Variants in CNOT4 observed in about 807,000 individuals in gnomAD.
The protein encoded by CNOT4 is CCR4-associated factor 4.
In CNOT4, 8 loss-of-function variants were observed where a neutral mutation model predicts 73.8. The observed-to-expected ratio is 0.11, with a 90% CI of 0.06 to 0.20. The LOEUF is 0.20. Ranked by LOEUF, CNOT4 falls within the 10% of genes least tolerant of loss-of-function variation. CNOT4 has a pLI of 1.00. For synonymous variants in CNOT4, 293 were observed against 321.1 expected, an observed-to-expected ratio of 0.91 and a Z score of 0.94; for missense variants, 564 against 883.4, an observed-to-expected ratio of 0.64 and a Z score of 4.58.
At position 135,396,107 on chromosome 7, in the gene CNOT4, C is replaced by CTTTTT. The variant is rs71174519; in HGVS notation, c.880-229_880-225dup. Among the ~76,000 whole-genome samples the CTTTTT allele has an allele frequency of 4.6e-3, 435 of 95,414 alleles. 40 individuals carry two copies. Among genetic ancestry groups the CTTTTT allele is most frequent in the African/African-American group, 6.9e-3 (151 of 21,830 alleles). 62.6% of individuals were successfully genotyped at this position (95,414 alleles called of 152,430 possible). A position where few individuals can be genotyped will look rare whatever the true frequency, so the allele number is the denominator to read the frequency against. The stretch of plus-strand genomic sequence containing the variant: ...GCTTGAAAAGATTAAACTAGTCTCC[C>CTTTTT]TTTTTTTTTTTTTTTTTTTTTTTTT... On this transcript the variant is annotated intron_variant, in intron 8 of 11. Transcript: ENST00000541284.
At chr7:135,471,256 T>C (rs1408911101) in intron 1 of CNOT4, among the ~76,000 whole-genome samples, 1 of 151,624 alleles carries the variant, frequency 6.6e-6, no homozygotes, top group Non-Finnish European at 1.5e-5. Context: ...GAAACAGAGA[T>C]AAGAGATTCT....
At chr7:135,430,692 G>A (rs1798775370) in intron 2 of CNOT4, among the ~76,000 whole-genome samples, 1 of 151,880 alleles carries the variant, frequency 6.6e-6, no homozygotes, top group African/African-American at 2.4e-5. Context: ...CAGAATAAAA[G>A]GAGAAAAAAG....
chr7:135,367,893 G>C (rs1794999976), intron 10 of CNOT4, among the ~76,000 whole-genome samples: 2 of 152,142 alleles, frequency 1.3e-5, no homozygotes, highest in Non-Finnish European at 2.9e-5. Flanking sequence ...AAAGTAATTA[G>C]TAATAGTATA....
In CNOT4 at chr7:135,380,093, T is replaced by A. The variant is rs777355145; in HGVS notation, c.1627+13825A>T. Among the ~76,000 whole-genome samples the A allele has an allele frequency of 5.0e-4, 76 of 152,112 alleles. 1 individual carries two copies. Among genetic ancestry groups the A allele is most frequent in the Middle Eastern group, 6.8e-3 (2 of 294 alleles). ...CCTTGTGGAGCTCTCCCTGTTTCCT[T>A]ATGCTGAAAACAACAACTTCCTTGA... On this transcript the variant is annotated intron_variant, in intron 10 of 11. Transcript: ENST00000541284.
chr7:135,385,780 TA>T (rs1563017511), intron 10 of CNOT4, among the ~76,000 whole-genome samples: 2 of 152,228 alleles, frequency 1.3e-5, no homozygotes, highest in East Asian at 3.8e-4. Context: ...TTCCTGTGAT[TA>T]AAATATTATC....
chr7:135,370,044 G>T (rs923724828), intron 10 of CNOT4, among the ~76,000 whole-genome samples: 1 of 152,128 alleles, frequency 6.6e-6, no homozygotes, highest in Non-Finnish European at 1.5e-5. Context: ...TAAATGAATT[G>T]TTACAGACAT....
intron 10 of CNOT4, chr7:135,387,837 G>T: frequency 2.0e-6 from 2 of 979,506 alleles, no homozygotes; most frequent in Non-Finnish European, 2.4e-6. Flanking sequence ...TTACAATTTA[G>T]GTGGCCTAAT....
intron 10 of CNOT4, among the ~76,000 whole-genome samples, chr7:135,379,990 A>T (rs931796094): frequency 6.6e-6 from 1 of 152,208 alleles, no homozygotes; most frequent in African/African-American, 2.4e-5. Flanking sequence ...ATTAAGCAAC[A>T]GTGCTAGGCT....
rs1277303728 is a variant in CNOT4 at position 135,415,214 on chromosome 7, C to T, written c.421G>A (p.Val141Ile). 6.2e-7 allele frequency: 1 copy of T among 1,604,774 alleles called. No individual in the cohort carries two copies. Among genetic ancestry groups the T allele is most frequent in the Non-Finnish European group, 8.5e-7 (1 of 1,172,028 alleles). The change falls in exon 4 of 12, where the codon GTT (valine) becomes ATT (isoleucine). Residue 141 changes from valine (V) to isoleucine (I), a missense_variant. Around this residue, in one of 10 missense-constraint regions of CNOT4, gnomAD observed 76 missense variants for 208.7 expected, o/e 0.36. Transcript: ENST00000541284. ...TATGATGTGCTATTATTGATGACAA[C>T]TTTATGTATTTTACCAAACTTCCCA... ...YFGKFGKIHK[V>I]VINNSTSYAG...
chr7:135,387,625 C>G (rs1796188537), intron 10 of CNOT4: 1 of 983,240 alleles, frequency 1.0e-6, no homozygotes, highest in Admixed American at 6.2e-5. Flanking sequence ...GTGTGACTTT[C>G]CCTTTCTTCC....
intron 2 of CNOT4, among the ~76,000 whole-genome samples, chr7:135,430,485 AT>A (rs1798748314): frequency 6.6e-6 from 1 of 151,904 alleles, no homozygotes. Context: ...AAGACAAAAA[AT>A]TTTTTTTAAT....
intron 7 of CNOT4, among the ~76,000 whole-genome samples, chr7:135,409,232 G>A (rs1030397157): frequency 3.3e-5 from 5 of 152,068 alleles, no homozygotes; most frequent in Admixed American, 6.5e-5. Context: ...ATAGCATATG[G>A]TTTGCCATAA....
At chr7:135,454,896 T>C (rs1258657113) in intron 1 of CNOT4, among the ~76,000 whole-genome samples, 1 of 151,726 alleles carries the variant, frequency 6.6e-6, no homozygotes, top group Non-Finnish European at 1.5e-5. Flanking sequence ...TAAAATAAAA[T>C]AGAACAAAAC....
Position 135,509,880 on chromosome 7 carries a change from T to C in CNOT4, c.-93+9A>G, listed in dbSNP as rs67765220. 20 of 394,538 alleles carry C rather than the reference T, an allele frequency of 5.1e-5. No individual in the cohort carries two copies. Among genetic ancestry groups the C allele is most frequent in the African/African-American group, 3.7e-4 (18 of 48,564 alleles). 24.4% of individuals were successfully genotyped at this position (394,538 alleles called of 1,614,324 possible). A position where few individuals can be genotyped will look rare whatever the true frequency, so the allele number is the denominator to read the frequency against. ...GGTTTCCCCTAAGCCCAGCCCCGCA[T>C]AGACTCACCCGCCTGCCTTGCCTCG... On this transcript the variant is annotated intron_variant, in intron 1 of 11. Coordinates refer to ENST00000541284, the MANE Select transcript of CNOT4 (RefSeq NM_001190850.2).
chr7:135,407,987 C>CT (rs1416069497), intron 7 of CNOT4, among the ~76,000 whole-genome samples: 4 of 152,060 alleles, frequency 2.6e-5, no homozygotes, highest in African/African-American at 7.2e-5. Context: ...ACTCACAGTG[C>CT]ATAAAAAGTT....
chr7:135,482,703 G>A (rs1295675059), intron 1 of CNOT4, among the ~76,000 whole-genome samples: 5 of 151,974 alleles, frequency 3.3e-5, no homozygotes, highest in Non-Finnish European at 5.9e-5. Flanking sequence ...ATGAAAGGCC[G>A]AGCACAGTGG....
chr7:135,480,552 A>C (rs184445907), intron 1 of CNOT4, among the ~76,000 whole-genome samples: 1 of 152,214 alleles, frequency 6.6e-6, no homozygotes, highest in Non-Finnish European at 1.5e-5. Context: ...CAGATTCTGG[A>C]AATGTTGTAT....
At chr7:135,490,447 T>C (rs1803033192) in intron 1 of CNOT4, among the ~76,000 whole-genome samples, 1 of 152,144 alleles carries the variant, frequency 6.6e-6, no homozygotes, top group Admixed American at 6.5e-5. Flanking sequence ...AATAATGAAG[T>C]AACAACAGAC....
chr7:135,442,919 T>C (rs1023364124), intron 1 of CNOT4, among the ~76,000 whole-genome samples: 2 of 151,556 alleles, frequency 1.3e-5, no homozygotes, highest in Middle Eastern at 3.2e-3. Context: ...ATTAGCCAAG[T>C]ATGGTGTTGT....
Sources: allele counts gnomAD v4.1 joint callset (sites outside exome capture counted in the v4.1 genomes callset), GRCh38; gene constraint gnomAD v4.1.1; regional missense constraint gnomAD v4.1.1; transcripts MANE v1.5; gene names NCBI Gene and HGNC (gene_info 2026-07-23, HGNC 2026-07-21).